The following FRMD4A variants were observed in gnomAD, a reference collection of about 807,000 sequenced individuals.
FRMD4A encodes the protein FERM domain-containing protein 4A.
In FRMD4A, 29 loss-of-function variants were observed where a neutral mutation model predicts 129.1. The observed-to-expected ratio is 0.22, with a 90% confidence interval of 0.17 to 0.31. The LOEUF is 0.31. Among genes scored for constraint, FRMD4A ranks in the 10% least tolerant of loss-of-function variants. The pLI, the probability that FRMD4A is intolerant of heterozygous loss-of-function variation, is 1.00. For synonymous variants in FRMD4A, 634 were observed against 571.6 expected, an observed-to-expected ratio of 1.11 and a Z score of -1.56; for missense variants, 1,272 against 1,375.8, an observed-to-expected ratio of 0.92 and a Z score of 1.19.
intron 2 of FRMD4A, among the ~76,000 whole-genome samples, chr10:14,101,084 C>T (rs749464885): frequency 1.4e-4 from 22 of 152,182 alleles, no homozygotes; most frequent in African/African-American, 1.9e-4. Flanking sequence ...TCTACCAAAA[C>T]GGCTCTGTGT....
chr10:14,074,941 C>A (rs1835496284), intron 2 of FRMD4A: 1 of 152,152 alleles, frequency 6.6e-6, no homozygotes, highest in Non-Finnish European at 1.5e-5. Context: ...GCTTGTAATA[C>A]AGAAAATCCT....
At chr10:13,738,022 G>A in intron 11 of FRMD4A, 92 bp from the exon 12 acceptor site, 2 of 741,740 alleles carry the variant, frequency 2.7e-6, no homozygotes, top group Non-Finnish European at 4.8e-6. Flanking sequence ...GCAGACGAGG[G>A]AAAGGGCCAT....
chr10:14,033,413 C>A (rs965845308), intron 2 of FRMD4A, among the ~76,000 whole-genome samples: 3 of 152,072 alleles, frequency 2.0e-5, no homozygotes, highest in African/African-American at 7.2e-5. Context: ...GTGACCATCA[C>A]CCAAATATTG....
At position 14,064,373 on chromosome 10, in the gene FRMD4A, C is replaced by G. The variant is rs543978527; in HGVS notation, c.46-205461G>C. On this transcript the variant is annotated intron_variant, in intron 2 of 24. Transcript: ENST00000357447. ...TTCCAGTAGTCTCAGAAATATTTCT[C>G]CTTGTAAAACAGTGCCCTGTGAAAA... 1.1e-4 allele frequency among the ~76,000 whole-genome samples: 16 copies of G among 152,196 alleles called. No individual in the cohort carries two copies. In the South Asian group the frequency reaches 1.2e-3, roughly 12 times the overall value.
intron 2 of FRMD4A, among the ~76,000 whole-genome samples, chr10:14,274,220 C>T (rs1243450441): frequency 6.6e-6 from 1 of 152,150 alleles, no homozygotes; most frequent in Non-Finnish European, 1.5e-5. Flanking sequence ...CCTGGGGCAG[C>T]CACCCATGTA....
At chr10:13,937,131 TG>T (rs1418687073) in intron 2 of FRMD4A, among the ~76,000 whole-genome samples, 1 of 152,214 alleles carries the variant, frequency 6.6e-6, no homozygotes, top group Non-Finnish European at 1.5e-5. Context: ...GCAAACCTTT[TG>T]TTGGGCAATC....
At chr10:13,938,653 G>A (rs1479708807) in intron 2 of FRMD4A, among the ~76,000 whole-genome samples, 2 of 152,144 alleles carry the variant, frequency 1.3e-5, no homozygotes, top group Non-Finnish European at 2.9e-5. Context: ...CTTTATACAG[G>A]GCACAGAAGG....
chr10:14,185,766 A>G (rs1040212547), intron 2 of FRMD4A, among the ~76,000 whole-genome samples: 1 of 152,150 alleles, frequency 6.6e-6, no homozygotes, highest in South Asian at 2.1e-4. Flanking sequence ...AGTACCAGCC[A>G]AAGCAACAGA....
At chr10:13,724,117 G>A (rs1182444913) in intron 12 of FRMD4A, among the ~76,000 whole-genome samples, 1 of 152,182 alleles carries the variant, frequency 6.6e-6, no homozygotes, top group Non-Finnish European at 1.5e-5. Context: ...AGCCGGGCGC[G>A]GTGGCTCAGG....
chr10:13,779,609 C>T (rs2092687107), intron 6 of FRMD4A, among the ~76,000 whole-genome samples: 1 of 152,166 alleles, frequency 6.6e-6, no homozygotes, highest in Non-Finnish European at 1.5e-5. Flanking sequence ...TGTTAATTTG[C>T]TTTCTGTGGC....
intron 6 of FRMD4A, among the ~76,000 whole-genome samples, chr10:13,764,506 T>TAAAC (rs74976375): frequency 0.33 from 49,928 of 149,604 alleles, 8,965 homozygotes; most frequent in African/African-American, 0.47. Flanking sequence ...CTGCCTCAAA[T>TAAAC]AAACAAACAA....
At chr10:13,781,574 C>T (rs141311917) in intron 6 of FRMD4A, among the ~76,000 whole-genome samples, 1,835 of 151,880 alleles carry the variant, frequency 0.012, 30 homozygotes, top group African/African-American at 0.041. Flanking sequence ...GATGGGGTTC[C>T]GCCATGTTGG....
At chr10:14,213,922 T>C (rs1346790198) in intron 2 of FRMD4A, among the ~76,000 whole-genome samples, 1 of 152,236 alleles carries the variant, frequency 6.6e-6, no homozygotes, top group East Asian at 1.9e-4. Flanking sequence ...TCGTTCTCTC[T>C]TATCTGCCCC....
chr10:14,312,063 T>G (rs1846567846), intron 2 of FRMD4A, among the ~76,000 whole-genome samples: 1 of 152,224 alleles, frequency 6.6e-6, no homozygotes, highest in Admixed American at 6.5e-5. Context: ...GCTTTAGGTT[T>G]AAATTAATTT....
intron 15 of FRMD4A, among the ~76,000 whole-genome samples, chr10:13,679,010 A>G (rs1321416453): frequency 6.6e-6 from 1 of 151,874 alleles, no homozygotes; most frequent in Non-Finnish European, 1.5e-5. Context: ...CATTCCTCCT[A>G]CCTCACTGTA....
intron 2 of FRMD4A, among the ~76,000 whole-genome samples, chr10:13,967,967 C>T (rs767658117): frequency 3.9e-5 from 6 of 152,154 alleles, no homozygotes; most frequent in Non-Finnish European, 7.4e-5. Flanking sequence ...ATCCCCAGAG[C>T]CCAGGAGGTC....
At chr10:13,779,840 A>T (rs773325353) in intron 6 of FRMD4A, among the ~76,000 whole-genome samples, 16 of 152,070 alleles carry the variant, frequency 1.1e-4, no homozygotes, top group Admixed American at 8.5e-4. Flanking sequence ...GACTCAGTTA[A>T]ACAATTCACA....
intron 13 of FRMD4A, among the ~76,000 whole-genome samples, chr10:13,703,626 C>G (rs1286942562): frequency 6.6e-6 from 1 of 152,190 alleles, no homozygotes; most frequent in African/African-American, 2.4e-5. Context: ...TAACGTGAGG[C>G]CAATCACATT....
intron 2 of FRMD4A, among the ~76,000 whole-genome samples, chr10:14,016,697 T>C (rs1287584581): frequency 6.6e-6 from 1 of 152,178 alleles, no homozygotes; most frequent in Non-Finnish European, 1.5e-5. Context: ...AAATCACACA[T>C]GACAAAGGAA....
Sources: gnomAD v4.1 joint callset for allele counts (sites outside exome capture counted in the v4.1 genomes callset) on GRCh38, gnomAD v4.1.1 for gene constraint, MANE v1.5 for transcripts, NCBI Gene and HGNC (gene_info 2026-07-23, HGNC 2026-07-21) for gene names.